SPMIP4: variants seen among roughly 807,000 people sequenced by gnomAD.
SPMIP4 encodes the protein sperm microtubule inner protein 4, also known as sperm-associated microtubule inner protein 4.
chr7:25,131,663 G>A, the SPMIP4 span, among the ~76,000 whole-genome samples: 3 of 152,192 alleles, frequency 2.0e-5, no homozygotes, highest in Admixed American at 6.5e-5. The surrounding 1 kb of genome is among the most constrained non-coding windows in gnomAD (Gnocchi z 4.2). Context: ...GGCAAGCCTC[G>A]TGTTCTCTGA....
chr7:25,173,379 G>C, the SPMIP4 span, among the ~76,000 whole-genome samples: 4 of 152,206 alleles, frequency 2.6e-5, no homozygotes, highest in Admixed American at 2.6e-4. This position sits in a 1 kb window ranked among gnomAD's most constrained non-coding sequence, Gnocchi z 4.4. Flanking sequence ...AAGTCTATTG[G>C]AATACAGCCA....
At chr7:25,179,251 G>A in the SPMIP4 span, 3 of 1,613,728 alleles carry the variant, frequency 1.9e-6, no homozygotes, top group Non-Finnish European at 1.7e-6. Flanking sequence ...GTGTTGGACA[G>A]TATGTCAGCT....
the SPMIP4 span, chr7:25,158,458 C>A: frequency 1.5e-6 from 2 of 1,368,286 alleles, no homozygotes; most frequent in African/African-American, 1.5e-5. Context: ...ATTTTTTTTT[C>A]TTTGATTATA....
the SPMIP4 span, chr7:25,179,722 C>T: frequency 0.014 from 2,105 of 155,528 alleles, 19 homozygotes; most frequent in Non-Finnish European, 0.022. Context: ...AAAATAAGCG[C>T]TGTCCTAAAG....
the SPMIP4 span, among the ~76,000 whole-genome samples, chr7:25,151,335 C>T: frequency 4.9e-4 from 74 of 151,878 alleles, no homozygotes; most frequent in East Asian, 6.0e-3. Flanking sequence ...GATTCTCATG[C>T]CTCAGCCTCC....
At chr7:25,160,722 A>C in the SPMIP4 span, among the ~76,000 whole-genome samples, 2 of 152,286 alleles carry the variant, frequency 1.3e-5, no homozygotes, top group Non-Finnish European at 2.9e-5. Context: ...TAAATTAACA[A>C]GTATGCCTTA....
At chr7:25,139,640 T>C in the SPMIP4 span, among the ~76,000 whole-genome samples, 1 of 152,172 alleles carries the variant, frequency 6.6e-6, no homozygotes, top group African/African-American at 2.4e-5. Context: ...GTAACAAATT[T>C]GTTACAGCCT....
At chr7:25,175,775 G>A in the SPMIP4 span, among the ~76,000 whole-genome samples, 7 of 152,190 alleles carry the variant, frequency 4.6e-5, no homozygotes, top group East Asian at 9.6e-4. Flanking sequence ...TGGGAGCCAC[G>A]GACCCTGCAC....
At chr7:25,136,736 G>A in the SPMIP4 span, 206 of 1,614,026 alleles carry the variant, frequency 1.3e-4, 2 homozygotes, top group African/African-American at 2.2e-3. This position sits in a 1 kb window ranked among gnomAD's most constrained non-coding sequence, Gnocchi z 5.7. Context: ...TGAATTAATC[G>A]GGCAATTCGT....
At chr7:25,159,495 T>C in the SPMIP4 span, among the ~76,000 whole-genome samples, 2 of 152,234 alleles carry the variant, frequency 1.3e-5, no homozygotes, top group Non-Finnish European at 2.9e-5. Context: ...TTTCAGCCTA[T>C]GCAAATAAAA....
chr7:25,147,218 C>T, the SPMIP4 span, among the ~76,000 whole-genome samples: 2 of 152,206 alleles, frequency 1.3e-5, no homozygotes, highest in Non-Finnish European at 2.9e-5. Flanking sequence ...TGCTTGAACC[C>T]GGAAGGCGGA....
the SPMIP4 span, among the ~76,000 whole-genome samples, chr7:25,130,381 C>T: frequency 1.4e-5 from 2 of 146,716 alleles, no homozygotes; most frequent in Admixed American, 6.8e-5. Context: ...TGCGCGATCT[C>T]GGCTCACTGC....
chr7:25,161,389 T>A, the SPMIP4 span: 1 of 448,192 alleles, frequency 2.2e-6, no homozygotes, highest in South Asian at 4.7e-5. Context: ...TGAAAAGGTG[T>A]CATTTTATTT....
the SPMIP4 span, among the ~76,000 whole-genome samples, chr7:25,177,671 T>C: frequency 1.3e-5 from 2 of 152,222 alleles, no homozygotes; most frequent in African/African-American, 2.4e-5. Flanking sequence ...TTATTTCATA[T>C]GTAAAATGCA....
At chr7:25,127,722 T>G in the SPMIP4 span, among the ~76,000 whole-genome samples, 98 of 152,342 alleles carry the variant, frequency 6.4e-4, no homozygotes, top group Non-Finnish European at 1.1e-3. Flanking sequence ...GAGGTCGTGT[T>G]TACCAGGGTG....
the SPMIP4 span, among the ~76,000 whole-genome samples, chr7:25,150,136 C>T: frequency 2.0e-5 from 3 of 152,102 alleles, no homozygotes; most frequent in Non-Finnish European, 4.4e-5. Flanking sequence ...GTCTCTGCAC[C>T]TCAGTTAAGG....
chr7:25,179,152 G>A, the SPMIP4 span: 3 of 1,576,874 alleles, frequency 1.9e-6, no homozygotes, highest in South Asian at 3.5e-5. Flanking sequence ...TTTCTTGTTT[G>A]CTTTTTCTAG....
chr7:25,164,674 A>T, the SPMIP4 span, among the ~76,000 whole-genome samples: 1 of 152,050 alleles, frequency 6.6e-6, no homozygotes, highest in African/African-American at 2.4e-5. Context: ...CAGGTGGTGA[A>T]TAAATGAATA....
chr7:25,139,277 A>G, the SPMIP4 span, among the ~76,000 whole-genome samples: 36 of 152,252 alleles, frequency 2.4e-4, no homozygotes, highest in African/African-American at 8.7e-4. Flanking sequence ...CAAATAATAT[A>G]TTTTTATTAT....
Sources: gnomAD v4.1 joint callset for allele counts (sites outside exome capture counted in the v4.1 genomes callset) on GRCh38, gnomAD v4.1.1 for gene constraint, Gnocchi (gnomAD v3.1) non-coding constraint, MANE v1.5 for transcripts, NCBI Gene and HGNC (gene_info 2026-07-23, HGNC 2026-07-21) for gene names.